The following PHYHIPL variants were observed in gnomAD, a reference collection of about 807,000 sequenced individuals.
PHYHIPL encodes phytanoyl-CoA 2-hydroxylase interacting protein like.
PHYHIPL carries 9 observed loss-of-function variants against 33.4 expected under a neutral mutation model. The observed-to-expected ratio is 0.27, with a 90% confidence interval of 0.16 to 0.47. PHYHIPL has a LOEUF of 0.47. Ranked by LOEUF, PHYHIPL falls within the 20% of genes least tolerant of loss-of-function variation. The probability of loss-of-function intolerance (pLI) is 0.99; values close to 1 mark genes in which losing one functional copy is unlikely to be tolerated. For missense variants in PHYHIPL, 365 were observed against 460.7 expected, an observed-to-expected ratio of 0.79 and a Z score of 1.90; for synonymous variants, 153 against 154.1, an observed-to-expected ratio of 0.99 and a Z score of 0.05.
intron 2 of PHYHIPL, 116 bp downstream of exon 2, chr10:59,234,616 GA>G (rs1020816083): frequency 7.6e-6 from 5 of 654,690 alleles, no homozygotes; most frequent in Non-Finnish European, 1.2e-5. Context: ...TTTGACTTGG[GA>G]AAAAATAAAG....
At chr10:59,240,103 C>T (rs937116503) in intron 4 of PHYHIPL, among the ~76,000 whole-genome samples, 1 of 151,972 alleles carries the variant, frequency 6.6e-6, no homozygotes, top group African/African-American at 2.4e-5. Flanking sequence ...AATATTCCTG[C>T]CATTTGTTTG....
intron 1 of PHYHIPL, among the ~76,000 whole-genome samples, chr10:59,186,159 G>T (rs1024728595): frequency 3.3e-5 from 5 of 152,234 alleles, no homozygotes; most frequent in East Asian, 1.9e-4. Flanking sequence ...GTAAGGAAGG[G>T]ATCCAGTTTC....
intron 1 of PHYHIPL, among the ~76,000 whole-genome samples, chr10:59,188,487 T>G (rs1838683065): frequency 6.6e-6 from 1 of 152,196 alleles, no homozygotes; most frequent in South Asian, 2.1e-4. Context: ...TAGGTCCGCT[T>G]GGTGCAGAGC....
At chr10:59,178,225 A>G (rs1838306706) in intron 1 of PHYHIPL, among the ~76,000 whole-genome samples, 1 of 151,868 alleles carries the variant, frequency 6.6e-6, no homozygotes, top group Admixed American at 6.6e-5. Flanking sequence ...CAGAATTCAA[A>G]CTTTTTGAAA....
chr10:59,221,325 A>G (rs1235929802), intron 1 of PHYHIPL, among the ~76,000 whole-genome samples: 1 of 152,040 alleles, frequency 6.6e-6, no homozygotes, highest in Non-Finnish European at 1.5e-5. Flanking sequence ...AGGTGGCTGT[A>G]TTTTATCATT....
At chr10:59,226,604 G>GT (rs1374633865) in intron 1 of PHYHIPL, among the ~76,000 whole-genome samples, 1 of 152,110 alleles carries the variant, frequency 6.6e-6, no homozygotes, top group African/African-American at 2.4e-5. Context: ...GTTGGCAGAG[G>GT]TGTCCTATAG....
intron 1 of PHYHIPL, among the ~76,000 whole-genome samples, chr10:59,229,076 ATTC>A (rs1271861592): frequency 6.6e-6 from 1 of 152,176 alleles, no homozygotes. Context: ...GACTATTTTA[ATTC>A]TTATTTCAGA....
Position 59,245,202 on chromosome 10 carries a change from G to GGAA in PHYHIPL, c.745_747dup (p.Arg249dup). 1 of 1,614,132 alleles carries GGAA rather than the reference G, an allele frequency of 6.2e-7. No homozygotes were observed. Among genetic ancestry groups the GGAA allele is most frequent in the Non-Finnish European group, 8.5e-7 (1 of 1,180,016 alleles). On this transcript the variant is annotated inframe_insertion, in exon 5 of 5. Coordinates refer to ENST00000373880, the MANE Select transcript of PHYHIPL (RefSeq NM_032439.4). The stretch of plus-strand genomic sequence containing the variant: ...AAAGCCACCCCAGGATTCACCTTAT[G>GGAA]GAAGATACAGGTTTGAGATTGCCGC...
rs2133322723 is a variant in PHYHIPL at position 59,246,779 on chromosome 10, A to G, written c.*1188A>G. On this transcript the variant is annotated 3_prime_UTR_variant, in exon 5 of 5. Transcript: ENST00000373880. ...TTAAGAAAAATGTATATTCCCAATG[A>G]AAAAATAGTTATATCATCTTATAGT... 4 of 394,714 alleles carry G rather than the reference A, an allele frequency of 1.0e-5. No individual in the cohort carries two copies. The highest frequency in any genetic ancestry group is 1.8e-5 in the Non-Finnish European group (4 of 223,560). The allele number at this position is 394,714 out of a possible 1,614,324, so 24.5% of individuals were successfully genotyped here.
chr10:59,209,826 C>T (rs924807834), intron 1 of PHYHIPL, among the ~76,000 whole-genome samples: 3 of 152,250 alleles, frequency 2.0e-5, no homozygotes, highest in African/African-American at 7.2e-5. Context: ...GGAAAGGATT[C>T]CCTATTTAAT....
intron 1 of PHYHIPL, among the ~76,000 whole-genome samples, chr10:59,208,327 C>T (rs931993202): frequency 2.0e-5 from 3 of 152,092 alleles, no homozygotes; most frequent in South Asian, 2.1e-4. Flanking sequence ...CCTGCAGCTG[C>T]GGAGACTGAA....
intron 1 of PHYHIPL, among the ~76,000 whole-genome samples, chr10:59,215,826 G>T (rs2133248461): frequency 1.4e-5 from 1 of 72,436 alleles, no homozygotes; most frequent in Non-Finnish European, 2.9e-5. Context: ...CAGACAACCA[G>T]CCTTCATAGA....
At chr10:59,221,191 A>G (rs1328415076) in intron 1 of PHYHIPL, among the ~76,000 whole-genome samples, 1 of 151,950 alleles carries the variant, frequency 6.6e-6, no homozygotes, top group South Asian at 2.1e-4. Flanking sequence ...TAGAAAAAGT[A>G]TGTTTTTTGT....
intron 3 of PHYHIPL, among the ~76,000 whole-genome samples, chr10:59,237,184 C>T (rs1388817375): frequency 2.6e-5 from 4 of 151,764 alleles, no homozygotes; most frequent in African/African-American, 9.7e-5. Flanking sequence ...GTCCTGTATA[C>T]ATATGTGTGT....
chr10:59,187,638 T>C (rs534349332), intron 1 of PHYHIPL, among the ~76,000 whole-genome samples: 2 of 152,338 alleles, frequency 1.3e-5, no homozygotes, highest in East Asian at 3.9e-4. Context: ...TGCCTCAATT[T>C]CAGAGCCTGT....
At chr10:59,212,501 C>T (rs1839485603) in intron 1 of PHYHIPL, among the ~76,000 whole-genome samples, 1 of 152,210 alleles carries the variant, frequency 6.6e-6, no homozygotes, top group Non-Finnish European at 1.5e-5. Flanking sequence ...ACTTCAACCA[C>T]TCCTAGGTGG....
chr10:59,175,245 A>T (rs986894815), upstream of PHYHIPL, among the ~76,000 whole-genome samples: 1 of 152,254 alleles, frequency 6.6e-6, no homozygotes, highest in Admixed American at 6.5e-5. Context: ...TTCATTAATA[A>T]GTTCATAATG....
chr10:59,239,822 C>T (rs1326047849), intron 4 of PHYHIPL, among the ~76,000 whole-genome samples: 2 of 151,854 alleles, frequency 1.3e-5, no homozygotes, highest in African/African-American at 2.4e-5. Context: ...ACTTCTTACA[C>T]AGCATTCCCT....
intron 1 of PHYHIPL, among the ~76,000 whole-genome samples, chr10:59,212,428 A>G (rs187713708): frequency 7.5e-4 from 115 of 152,338 alleles, no homozygotes; most frequent in African/African-American, 2.6e-3. Context: ...CATTGCATGT[A>G]TAAACAGACT....
Sources: allele counts gnomAD v4.1 joint callset (sites outside exome capture counted in the v4.1 genomes callset), GRCh38; gene constraint gnomAD v4.1.1; transcripts MANE v1.5; gene names NCBI Gene and HGNC (gene_info 2026-07-23, HGNC 2026-07-21).